MARCHF1: variants seen among roughly 807,000 people sequenced by gnomAD.
MARCHF1 encodes membrane associated ring-CH-type finger 1.
MARCHF1 carries 40 observed loss-of-function variants against 54.2 expected under a neutral mutation model. That is an observed-to-expected ratio of 0.74 (90% CI 0.57 to 0.96). The LOEUF (loss-of-function observed/expected upper bound fraction) is 0.96, where lower values mean the gene tolerates loss of function less well. MARCHF1 is among the 40% of genes least tolerant of loss of function. MARCHF1 has a pLI of 0.00. For synonymous variants in MARCHF1, 236 were observed against 236.3 expected, an observed-to-expected ratio of 1.00 and a Z score of 0.01; for missense variants, 586 against 656.5, an observed-to-expected ratio of 0.89 and a Z score of 1.17.
At chr4:163,877,240 G>A (rs901020824) in intron 3 of MARCHF1, among the ~76,000 whole-genome samples, 3 of 152,114 alleles carry the variant, frequency 2.0e-5, no homozygotes, top group East Asian at 1.9e-4. Flanking sequence ...TTGATTAAAT[G>A]TCTAAGTGAC....
intron 3 of MARCHF1, among the ~76,000 whole-genome samples, chr4:163,882,191 A>T (rs1235549885): frequency 6.6e-6 from 1 of 152,240 alleles, no homozygotes; most frequent in East Asian, 1.9e-4. Context: ...AAAAGTTCAT[A>T]ATCATAAAAA....
chr4:163,681,804 C>A (rs1744113861), intron 5 of MARCHF1, among the ~76,000 whole-genome samples: 1 of 152,104 alleles, frequency 6.6e-6, no homozygotes, highest in Admixed American at 6.5e-5. Flanking sequence ...TGAGAACAGA[C>A]TAATACAGTA....
intron 3 of MARCHF1, among the ~76,000 whole-genome samples, chr4:163,946,695 TGAA>T (rs1306617969): frequency 6.6e-6 from 1 of 152,228 alleles, no homozygotes; most frequent in Non-Finnish European, 1.5e-5. Flanking sequence ...TGAGCACAAG[TGAA>T]CAATGAGCTA....
intron 3 of MARCHF1, among the ~76,000 whole-genome samples, chr4:163,938,732 A>G (rs1442716533): frequency 2.0e-5 from 3 of 152,194 alleles, no homozygotes; most frequent in African/African-American, 7.2e-5. Context: ...GGGAGGCCTC[A>G]GGAAACTTAC....
Position 163,894,660 on chromosome 4 carries a change from TGCATGTGATGC to T in MARCHF1, c.-38-40502_-38-40492del, listed in dbSNP as rs1207513035. Among the ~76,000 whole-genome samples the T allele has an allele frequency of 1.4e-3, 12 of 8,762 alleles. 5 individuals are homozygous for T. The highest frequency in any genetic ancestry group is 1.9e-3 in the African/African-American group (8 of 4,256). 5.7% of individuals were successfully genotyped at this position (8,762 alleles called of 152,430 possible). A position where few individuals can be genotyped will look rare whatever the true frequency, so the allele number is the denominator to read the frequency against. The stretch of plus-strand genomic sequence containing the variant: ...TATATATGCATGTGATGCATATATA[TGCATGTGATGC>T]ATATATATGCATGTGATGCATATAT... On this transcript the variant is annotated intron_variant, in intron 3 of 9. Coordinates refer to ENST00000514618, the MANE Select transcript of MARCHF1 (RefSeq NM_001394959.1).
chr4:163,853,915 TG>T, intron 4 of MARCHF1, 105 bp downstream of exon 4: 1 of 936,750 alleles, frequency 1.1e-6, no homozygotes. Flanking sequence ...ATGCAAATAC[TG>T]TTGTAAACAA....
intron 1 of MARCHF1, among the ~76,000 whole-genome samples, chr4:164,129,048 G>A (rs78124319): frequency 6.6e-6 from 1 of 152,290 alleles, no homozygotes; most frequent in East Asian, 1.9e-4. Flanking sequence ...GAATCAGATT[G>A]CTTATGAAAG....
At chr4:164,234,201 C>A (rs1732487640) in intron 1 of MARCHF1, among the ~76,000 whole-genome samples, 1 of 152,026 alleles carries the variant, frequency 6.6e-6, no homozygotes, top group Non-Finnish European at 1.5e-5. Context: ...ATTTAACAAG[C>A]TACAGTTATT....
intron 4 of MARCHF1, among the ~76,000 whole-genome samples, chr4:163,806,495 G>A (rs1362792953): frequency 1.3e-5 from 2 of 152,176 alleles, no homozygotes; most frequent in Non-Finnish European, 2.9e-5. Flanking sequence ...TAGCCATGTG[G>A]CTCCAGTGGG....
At chr4:163,834,964 C>T (rs1749139660) in intron 4 of MARCHF1, among the ~76,000 whole-genome samples, 1 of 152,014 alleles carries the variant, frequency 6.6e-6, no homozygotes, top group Non-Finnish European at 1.5e-5. Flanking sequence ...TCACTATAAC[C>T]TTGAATTCCT....
intron 1 of MARCHF1, among the ~76,000 whole-genome samples, chr4:164,332,207 C>G (rs1442517776): frequency 6.6e-6 from 1 of 152,154 alleles, no homozygotes; most frequent in Non-Finnish European, 1.5e-5. Context: ...TTTCAGCACA[C>G]CCAGAGCTTA....
chr4:163,539,925 G>T (rs1025171964), intron 9 of MARCHF1, among the ~76,000 whole-genome samples: 12 of 152,222 alleles, frequency 7.9e-5, no homozygotes, highest in Middle Eastern at 3.4e-3. Flanking sequence ...CTGTTTCTCT[G>T]AAAATATATT....
In MARCHF1 at chr4:163,774,014, T is replaced by C. The variant is rs576967977; in HGVS notation, c.112-73151A>G. 2.6e-5 allele frequency among the ~76,000 whole-genome samples: 4 copies of C among 152,318 alleles called. No homozygotes were observed. In the South Asian group the frequency reaches 8.3e-4, roughly 32 times the overall value. ...CAGATTATTTTCAGTTCTGCCTAAC[T>C]AGCTTAAGAATGCACATACAATTGT... On this transcript the variant is annotated intron_variant, in intron 4 of 9. Coordinates refer to ENST00000514618, the MANE Select transcript of MARCHF1 (RefSeq NM_001394959.1).
intron 1 of MARCHF1, among the ~76,000 whole-genome samples, chr4:164,119,298 CA>C (rs1240423799): frequency 6.7e-6 from 1 of 150,032 alleles, no homozygotes; most frequent in Non-Finnish European, 1.5e-5. Context: ...TAAAATATCT[CA>C]AAAAATAATG....
intron 2 of MARCHF1, among the ~76,000 whole-genome samples, chr4:164,020,241 T>G (rs921210312): frequency 1.3e-5 from 2 of 152,314 alleles, no homozygotes; most frequent in Non-Finnish European, 2.9e-5. Context: ...CTTTTGCCAA[T>G]TTCATTTGTC....
At chr4:164,175,568 T>C (rs1730641944) in intron 1 of MARCHF1, among the ~76,000 whole-genome samples, 1 of 152,348 alleles carries the variant, frequency 6.6e-6, no homozygotes, top group Non-Finnish European at 1.5e-5. Context: ...AGGTACTTTG[T>C]AGATGTGATT....
intron 2 of MARCHF1, among the ~76,000 whole-genome samples, chr4:164,041,856 C>A (rs1754136596): frequency 6.6e-6 from 1 of 152,066 alleles, no homozygotes; most frequent in Admixed American, 6.6e-5. Flanking sequence ...TTGCTTTTCT[C>A]TTTGTAGCTA....
At chr4:164,228,189 G>A (rs1732311867) in intron 1 of MARCHF1, among the ~76,000 whole-genome samples, 2 of 152,146 alleles carry the variant, frequency 1.3e-5, no homozygotes, top group Admixed American at 1.3e-4. Flanking sequence ...ACTAAATTAT[G>A]TAGTCAAGAT....
At chr4:163,722,207 C>G (rs1255555204) in intron 4 of MARCHF1, among the ~76,000 whole-genome samples, 3 of 151,998 alleles carry the variant, frequency 2.0e-5, no homozygotes, top group Non-Finnish European at 4.4e-5. Flanking sequence ...TTAAATGTGT[C>G]CCAGAGATTC....
Sources: gnomAD v4.1 joint callset for allele counts (sites outside exome capture counted in the v4.1 genomes callset) on GRCh38, gnomAD v4.1.1 for gene constraint, MANE v1.5 for transcripts, NCBI Gene and HGNC (gene_info 2026-07-23, HGNC 2026-07-21) for gene names.